The following POGZ variants were observed in gnomAD, a reference collection of about 807,000 sequenced individuals.
The protein encoded by POGZ is pogo transposable element derived with ZNF domain.
POGZ carries 17 observed loss-of-function variants against 134.6 expected under a neutral mutation model. The observed-to-expected ratio is 0.13, with a 90% CI of 0.09 to 0.19. POGZ has a LOEUF of 0.19. Among genes scored for constraint, POGZ ranks in the 10% least tolerant of loss-of-function variants. The pLI, the probability that POGZ is intolerant of heterozygous loss-of-function variation, is 1.00. For synonymous variants in POGZ, 693 were observed against 657.1 expected, an observed-to-expected ratio of 1.05 and a Z score of -0.84; for missense variants, 1,306 against 1,769.7, an observed-to-expected ratio of 0.74 and a Z score of 4.70.
At chr1:151,453,033 C>T (rs1662327068) in intron 1 of POGZ, among the ~76,000 whole-genome samples, 1 of 151,738 alleles carries the variant, frequency 6.6e-6, no homozygotes, top group Non-Finnish European at 1.5e-5. Flanking sequence ...AGTGATTTTC[C>T]TGCCTCAGCC....
chr1:151,408,669 T>TA, intron 13 of POGZ, 25 bp downstream of exon 13: 2 of 1,611,038 alleles, frequency 1.2e-6, no homozygotes, highest in South Asian at 2.2e-5. Flanking sequence ...CCTGGGCCTA[T>TA]AAAAGACACT....
rs1378217693 is a variant in POGZ at position 151,406,394 on chromosome 1, T to G, written c.2641A>C (p.Thr881Pro). Residue 881 changes from threonine (T) to proline (P), a missense_variant, in exon 19 of 19, where the codon ACT becomes CCT. Thr to Pro is a conservative substitution (Grantham distance 38, BLOSUM62 -1). Around this residue, in one of 10 missense-constraint regions of POGZ, gnomAD observed 214 missense variants for 255.5 expected, o/e 0.84. Coordinates refer to ENST00000271715, the MANE Select transcript of POGZ (RefSeq NM_015100.4). ...KNMYPPPSFP[T>P]NKAATVKSAG... Reference sequence around the variant, plus strand: ...GATTTCACAGTGGCAGCTTTGTTAGTGGGGAAGGAAGGAGGAGGGTACATA... The same window carrying G: ...GATTTCACAGTGGCAGCTTTGTTAGGGGGGAAGGAAGGAGGAGGGTACATA... 1.9e-6 allele frequency: 3 copies of G among 1,574,322 alleles called. No individual in the cohort carries two copies. Among genetic ancestry groups the G allele is most frequent in the Non-Finnish European group, 2.6e-6 (3 of 1,162,246 alleles).
Position 151,459,471 on chromosome 1 carries a change from C to G in POGZ, c.-321G>C, listed in dbSNP as rs895121271. On this transcript the variant is annotated 5_prime_UTR_variant, in exon 1 of 19. Coordinates refer to ENST00000271715, the MANE Select transcript of POGZ (RefSeq NM_015100.4). The stretch of plus-strand genomic sequence containing the variant: ...GAGAGACGCCGACTCCCCCCACCGA[C>G]CCTCTCGCCCCGCGGAGGGATACGG... The G allele has an allele frequency of 6.6e-6, 1 of 152,252 alleles. No homozygotes were observed. Among genetic ancestry groups the G allele is most frequent in the Non-Finnish European group, 1.5e-5 (1 of 68,024 alleles). 9.4% of individuals were successfully genotyped at this position (152,252 alleles called of 1,614,324 possible). A position where few individuals can be genotyped will look rare whatever the true frequency, so the allele number is the denominator to read the frequency against.
chr1:151,403,798 G>A lies in POGZ; in HGVS notation c.*1004C>T, dbSNP rs1653114657. On this transcript the variant is annotated 3_prime_UTR_variant, in exon 19 of 19. Coordinates refer to ENST00000271715, the MANE Select transcript of POGZ (RefSeq NM_015100.4). ...CAATTAGCTCCTGGCTGTAGGACCAGTAATCCCTTAAACAGGCATGCTCTC... is the reference window on the plus strand; with the variant it reads ...CAATTAGCTCCTGGCTGTAGGACCAATAATCCCTTAAACAGGCATGCTCTC... 1.0e-6 allele frequency: 1 copy of A among 985,424 alleles called. No homozygotes were observed. 61.0% of individuals were successfully genotyped at this position (985,424 alleles called of 1,614,324 possible).
Position 151,405,732 on chromosome 1 carries a change from T to C in POGZ, c.3303A>G (p.Ala1101=), listed in dbSNP as rs776087694. 2.5e-6 allele frequency: 4 copies of C among 1,614,134 alleles called. No homozygotes were observed. The highest frequency in any genetic ancestry group is 1.3e-5 in the African/African-American group (1 of 74,946). Residue 1101 remains alanine (A), a synonymous_variant, in exon 19 of 19, where the codon GCA becomes GCG. Coordinates refer to ENST00000271715, the MANE Select transcript of POGZ (RefSeq NM_015100.4). This position sits in a 1 kb window ranked among gnomAD's most constrained non-coding sequence, Gnocchi z 4.9. ...GTTGTACAAAATCAATGAAGAGTCC[T>C]GCATTCTCTGCTACATCCTTAGGTA... The part of the protein sequence containing the change: ...HTLPKDVAEN[A]GLFIDFVQRQ...
At chr1:151,417,988 G>A (rs1166456688) in intron 10 of POGZ, among the ~76,000 whole-genome samples, 2 of 152,164 alleles carry the variant, frequency 1.3e-5, no homozygotes, top group African/African-American at 4.8e-5. Flanking sequence ...GCTGGGCACA[G>A]TGGCTCATGA....
chr1:151,440,310 T>G (rs1660326133), intron 3 of POGZ, among the ~76,000 whole-genome samples: 1 of 151,994 alleles, frequency 6.6e-6, no homozygotes, highest in South Asian at 2.1e-4. Context: ...ATGCAATGAC[T>G]CTATGAAAGT....
At position 151,427,910 on chromosome 1, in the gene POGZ, C is replaced by A. The variant is rs1395938211; in HGVS notation, c.991G>T (p.Gly331Cys). Reference sequence around the variant, plus strand: ...ACCACCACTGGCCCAGGACTCTGGCCCAGGGAAGGGATGGTGTTAAGGGTA... The same window carrying A: ...ACCACCACTGGCCCAGGACTCTGGCACAGGGAAGGGATGGTGTTAAGGGTA... The part of the protein sequence containing the change: ...VNTLNTIPSL[G>C]QSPGPVVVSN... Residue 331 changes from glycine (G) to cysteine (C), a missense_variant, in exon 7 of 19, where the codon GGC becomes TGC. By Grantham distance (159) the Gly-to-Cys change is radical. Around this residue, in one of 10 missense-constraint regions of POGZ, gnomAD observed 541 missense variants for 680.5 expected, o/e 0.80. Transcript: ENST00000271715. 3.9e-5 allele frequency: 63 copies of A among 1,614,076 alleles called. No individual in the cohort carries two copies. Among genetic ancestry groups the A allele is most frequent in the Non-Finnish European group, 5.3e-5 (63 of 1,179,996 alleles).
chr1:151,438,723 TA>T (rs1660035844), intron 3 of POGZ, among the ~76,000 whole-genome samples: 1 of 151,874 alleles, frequency 6.6e-6, no homozygotes, highest in Admixed American at 6.6e-5. Context: ...ACAAACATTA[TA>T]AAAGTTAGCC....
intron 7 of POGZ, 165 bp downstream of exon 7, chr1:151,427,658 C>CT: frequency 3.4e-6 from 2 of 592,974 alleles, no homozygotes; most frequent in Non-Finnish European, 3.0e-6. Context: ...TTCAGTTACA[C>CT]TTTTTGTAAG....
intron 10 of POGZ, 23 bp from the exon 11 acceptor site, chr1:151,412,419 T>A: frequency 7.7e-7 from 1 of 1,304,534 alleles, no homozygotes; most frequent in Non-Finnish European, 1.1e-6. Flanking sequence ...AAGTAATCAA[T>A]AAATCCACTT....
Position 151,408,512 on chromosome 1 carries a change from C to T in POGZ, c.2131G>A (p.Ala711Thr), listed in dbSNP as rs371889945. ...GTCAGCGGTGCTGCCTCCTGCAAGG[C>T]GCTGGGAGGTGTATCATTAGAGGAT... ...PVSSNDTPPS[A>T]LQEAAPLTSS... The change falls in exon 14 of 19, where the codon GCC becomes ACC. Residue 711 changes from alanine to threonine, a missense_variant. Coordinates refer to ENST00000271715, the MANE Select transcript of POGZ (RefSeq NM_015100.4). 7.5e-6 allele frequency: 12 copies of T among 1,596,132 alleles called. No individual in the cohort carries two copies. The highest frequency in any genetic ancestry group is 1.4e-5 in the African/African-American group (1 of 73,464).
intron 1 of POGZ, among the ~76,000 whole-genome samples, chr1:151,448,705 T>C (rs1661611267): frequency 6.6e-6 from 1 of 151,784 alleles, no homozygotes; most frequent in Non-Finnish European, 1.5e-5. Context: ...CTATAAAAAG[T>C]AGAAAAATTA....
chr1:151,456,180 G>A (rs1248967916), intron 1 of POGZ, among the ~76,000 whole-genome samples: 5 of 152,114 alleles, frequency 3.3e-5, no homozygotes, highest in Non-Finnish European at 7.4e-5. Context: ...GCAACATCAT[G>A]CATTGGTCAT....
At chr1:151,420,139 G>C (rs1656638922) in intron 10 of POGZ, among the ~76,000 whole-genome samples, 3 of 152,122 alleles carry the variant, frequency 2.0e-5, no homozygotes, top group Admixed American at 1.3e-4. Flanking sequence ...AGTGAGCTAA[G>C]ATTGCGTCAC....
chr1:151,404,546 G>T lies in POGZ; in HGVS notation c.*256C>A. On this transcript the variant is annotated 3_prime_UTR_variant, in exon 19 of 19. Transcript: ENST00000271715. ...TGATTTAAATTTAAAAAAAAAAAAAGTCACAAAAACCTGTTTTTAGCAGAA... is the reference window on the plus strand; with the variant it reads ...TGATTTAAATTTAAAAAAAAAAAAATTCACAAAAACCTGTTTTTAGCAGAA... 2 of 1,134,412 alleles carry T rather than the reference G, an allele frequency of 1.8e-6. No homozygotes were observed. The highest frequency in any genetic ancestry group is 1.1e-6 in the Non-Finnish European group (1 of 926,118). 70.3% of individuals were successfully genotyped at this position (1,134,412 alleles called of 1,614,324 possible).
At chr1:151,458,695 C>A (rs962706684) in intron 1 of POGZ, among the ~76,000 whole-genome samples, 19 of 145,476 alleles carry the variant, frequency 1.3e-4, no homozygotes, top group Admixed American at 2.7e-4. Context: ...CGCCCCCGCC[C>A]CCGCCCCTTC....
chr1:151,418,298 G>C (rs1656147894), intron 10 of POGZ, among the ~76,000 whole-genome samples: 1 of 152,096 alleles, frequency 6.6e-6, no homozygotes, highest in Non-Finnish European at 1.5e-5. Context: ...GCAGCACATG[G>C]TTAGAACTGG....
intron 1 of POGZ, among the ~76,000 whole-genome samples, chr1:151,453,155 T>C (rs1662343875): frequency 6.6e-6 from 1 of 152,024 alleles, no homozygotes; most frequent in South Asian, 2.1e-4. Context: ...CTCCTGACCT[T>C]GTGATCCGCC....
Sources: allele counts gnomAD v4.1 joint callset (sites outside exome capture counted in the v4.1 genomes callset), GRCh38; gene constraint gnomAD v4.1.1; regional missense constraint gnomAD v4.1.1; non-coding constraint Gnocchi (gnomAD v3.1); transcripts MANE v1.5; gene names NCBI Gene and HGNC (gene_info 2026-07-23, HGNC 2026-07-21).